The following DMRT1 variants were observed in gnomAD, a reference collection of about 807,000 sequenced individuals.
DMRT1 encodes doublesex and mab-3 related transcription factor 1.
A neutral mutation model predicts 32.3 loss-of-function variants in DMRT1; 7 were observed. That is an observed-to-expected ratio of 0.22 (90% CI 0.12 to 0.41). The LOEUF is 0.41. Ranked by LOEUF, DMRT1 falls within the 10% of genes least tolerant of loss-of-function variation. The pLI is 1.00. For synonymous variants in DMRT1, 278 were observed against 206.1 expected, an observed-to-expected ratio of 1.35 and a Z score of -2.99; for missense variants, 625 against 500.5, an observed-to-expected ratio of 1.25 and a Z score of -2.37.
intron 2 of DMRT1, among the ~76,000 whole-genome samples, chr9:878,183 C>G (rs1247997160): frequency 6.7e-6 from 1 of 149,488 alleles, no homozygotes; most frequent in Admixed American, 6.7e-5. Context: ...AAGTTCAGCC[C>G]TGGAACTGCA....
intron 4 of DMRT1, among the ~76,000 whole-genome samples, chr9:961,373 C>T (rs1207300238): frequency 6.6e-6 from 1 of 152,180 alleles, no homozygotes; most frequent in Non-Finnish European, 1.5e-5. Context: ...ACACCTGTGC[C>T]ATGTACTTCC....
In DMRT1 at chr9:915,941, G is replaced by A. The variant is rs578194767; in HGVS notation, c.823-822G>A. ...GGAGAGATGGGGTTTCATTGTGTTA[G>A]CCAGGATGATCTCGATTTCCTGACC... is the stretch of plus-strand genomic sequence containing the variant. On this transcript the variant is annotated intron_variant, in intron 3 of 4. Coordinates refer to ENST00000382276, the MANE Select transcript of DMRT1 (RefSeq NM_021951.3). 1.1e-4 allele frequency among the ~76,000 whole-genome samples: 17 copies of A among 152,162 alleles called. No individual in the cohort carries two copies. The South Asian group carries it at 3.3e-3, about 30-fold the overall frequency.
chr9:888,771 G>A (rs577926554), intron 2 of DMRT1, among the ~76,000 whole-genome samples: 3 of 143,702 alleles, frequency 2.1e-5, no homozygotes, highest in African/African-American at 8.2e-5. Flanking sequence ...TAGGAATAGC[G>A]TGTGGAGCAG....
intron 2 of DMRT1, among the ~76,000 whole-genome samples, chr9:857,652 T>G (rs1282101526): frequency 6.6e-6 from 1 of 151,918 alleles, no homozygotes; most frequent in Non-Finnish European, 1.5e-5. Context: ...ATACTTTAAG[T>G]TTTAGGGTAC....
intron 4 of DMRT1, among the ~76,000 whole-genome samples, chr9:935,433 G>C (rs140518236): frequency 2.8e-4 from 43 of 152,370 alleles, no homozygotes; most frequent in African/African-American, 1.0e-3. Context: ...CTTAGGTTGA[G>C]AGAGTGTAAT....
At chr9:871,427 G>A (rs917984497) in intron 2 of DMRT1, among the ~76,000 whole-genome samples, 3 of 150,982 alleles carry the variant, frequency 2.0e-5, no homozygotes, top group Admixed American at 1.3e-4. Flanking sequence ...CCGCGTCCCG[G>A]GTTCACGCCA....
rs757552219 is a variant in DMRT1 at position 916,806 on chromosome 9, G to A, written c.866G>A (p.Arg289Lys). The change falls in exon 4 of 5, where the codon AGG (arginine) becomes AAG (lysine). Residue 289 changes from arginine (R) to lysine (K), a missense_variant. Physicochemically the swap from Arg to Lys is conservative, Grantham distance 26. This residue lies in a region of DMRT1 where 416 missense variants were observed against 321.6 expected (regional missense o/e 1.29). Transcript: ENST00000382276. The stretch of plus-strand genomic sequence containing the variant: ...CGCCATGCAATGAGCTCCCAGTACA[G>A]GATGCATTCTTACTACCCGCCTCCC... The part of the protein sequence containing the change: ...ENRHAMSSQY[R>K]MHSYYPPPSY... 1.2e-5 allele frequency: 19 copies of A among 1,614,212 alleles called. No homozygotes were observed. The South Asian group carries it at 2.0e-4, about 17-fold the overall frequency.
chr9:931,490 T>C (rs1298396509), intron 4 of DMRT1, among the ~76,000 whole-genome samples: 1 of 152,340 alleles, frequency 6.6e-6, no homozygotes, highest in African/African-American at 2.4e-5. Context: ...CTGGTTGGGC[T>C]GCTGTAACAA....
chr9:868,121 G>A (rs926801631), intron 2 of DMRT1, among the ~76,000 whole-genome samples: 4 of 152,208 alleles, frequency 2.6e-5, no homozygotes, highest in African/African-American at 9.6e-5. Flanking sequence ...GGGACTACAG[G>A]CGCAAGCCAC....
chr9:940,683 GA>G (rs544734794), intron 4 of DMRT1, among the ~76,000 whole-genome samples: 30 of 150,572 alleles, frequency 2.0e-4, no homozygotes, highest in African/African-American at 2.2e-4. Context: ...GTAACAAAAG[GA>G]AAAAAAAATT....
At chr9:918,434 G>A (rs1023489781) in intron 4 of DMRT1, among the ~76,000 whole-genome samples, 3 of 152,188 alleles carry the variant, frequency 2.0e-5, no homozygotes, top group African/African-American at 7.2e-5. Flanking sequence ...ATTTATTAGA[G>A]CAGAGAGGAG....
chr9:909,410 G>T (rs1817893284), intron 3 of DMRT1, among the ~76,000 whole-genome samples: 4 of 152,182 alleles, frequency 2.6e-5, no homozygotes, highest in Admixed American at 2.6e-4. Context: ...GAAGCCCTTT[G>T]CGTAGGTGAA....
At chr9:933,814 C>G (rs920757596) in intron 4 of DMRT1, among the ~76,000 whole-genome samples, 2 of 152,118 alleles carry the variant, frequency 1.3e-5, no homozygotes, top group Non-Finnish European at 2.9e-5. Flanking sequence ...GGGTCTTTTA[C>G]AGTGACAGGA....
chr9:865,483 A>G (rs1245853572), intron 2 of DMRT1, among the ~76,000 whole-genome samples: 1 of 152,188 alleles, frequency 6.6e-6, no homozygotes, highest in Non-Finnish European at 1.5e-5. Flanking sequence ...AATATAAGGT[A>G]TTTATGAAAA....
At chr9:913,550 C>T (rs553456456) in intron 3 of DMRT1, among the ~76,000 whole-genome samples, 30 of 151,450 alleles carry the variant, frequency 2.0e-4, no homozygotes, top group African/African-American at 6.5e-4. Context: ...TACATAGTTT[C>T]ACTTTTCCAG....
chr9:870,267 C>T (rs981195247), intron 2 of DMRT1, among the ~76,000 whole-genome samples: 11 of 152,122 alleles, frequency 7.2e-5, no homozygotes, highest in African/African-American at 2.2e-4. Context: ...GGCGTGGTGA[C>T]GTGCACCTGT....
chr9:894,048 A>C lies in DMRT1; in HGVS notation c.675A>C (p.Leu225=), dbSNP rs754742485. The C allele has an allele frequency of 6.2e-7, 1 of 1,614,230 alleles. No homozygotes were observed. The highest frequency in any genetic ancestry group is 2.2e-5 in the East Asian group (1 of 44,888). The change falls in exon 3 of 5, where the codon CTA becomes CTC. Residue 225 remains leucine, a synonymous_variant. Coordinates refer to ENST00000382276, the MANE Select transcript of DMRT1 (RefSeq NM_021951.3). The stretch of plus-strand genomic sequence containing the variant: ...CTCTGTTTCCTTATTACAACAATCT[A>C]TACAACTGCCCGCAGTACTCCATGG... ...QPSLFPYYNN[L]YNCPQYSMAL... is the part of the protein sequence containing the mutation.
At chr9:882,000 C>T (rs191449476) in intron 2 of DMRT1, among the ~76,000 whole-genome samples, 52 of 152,334 alleles carry the variant, frequency 3.4e-4, no homozygotes, top group Middle Eastern at 6.8e-3. Context: ...GAGACATTGC[C>T]TTGGAGGGTC....
chr9:915,185 G>C (rs978727619), intron 3 of DMRT1, among the ~76,000 whole-genome samples: 3 of 152,144 alleles, frequency 2.0e-5, no homozygotes, highest in Non-Finnish European at 4.4e-5. Flanking sequence ...AGTTTTAAAA[G>C]ACTGTCATAA....
Sources: allele counts gnomAD v4.1 joint callset (sites outside exome capture counted in the v4.1 genomes callset), GRCh38; gene constraint gnomAD v4.1.1; regional missense constraint gnomAD v4.1.1; transcripts MANE v1.5; gene names NCBI Gene and HGNC (gene_info 2026-07-23, HGNC 2026-07-21).